Variants in ZNF536 observed in about 807,000 individuals in gnomAD.
ZNF536 encodes the protein zinc finger protein 536.
A neutral mutation model predicts 84.5 loss-of-function variants in ZNF536; 13 were observed. The observed-to-expected ratio is 0.15, with a 90% confidence interval of 0.10 to 0.24. The LOEUF is 0.24. ZNF536 is among the 10% of genes least tolerant of loss of function. ZNF536 has a pLI of 1.00. For synonymous variants in ZNF536, 811 were observed against 742.5 expected (o/e 1.09, Z -1.50); for missense variants, 1,536 against 1,747.5 (o/e 0.88, Z 2.16).
chr19:30,535,429 G>C (rs2045030356), intron 3 of ZNF536, among the ~76,000 whole-genome samples: 1 of 152,306 alleles, frequency 6.6e-6, no homozygotes, highest in African/African-American at 2.4e-5. Context: ...CATCCAGGTA[G>C]AATAGGCTTT....
chr19:30,617,333 CTTTTTTTTTT>C (rs556835599), intron 1 of ZNF536, among the ~76,000 whole-genome samples: 347 of 37,682 alleles, frequency 9.2e-3, no homozygotes, highest in African/African-American at 0.02. Flanking sequence ...GAATAGCTTA[CTTTTTTTTTT>C]TTTTTTTTTT....
intron 2 of ZNF536, among the ~76,000 whole-genome samples, chr19:30,289,037 C>T (rs1052448898): frequency 2.0e-5 from 3 of 152,142 alleles, no homozygotes; most frequent in Non-Finnish European, 4.4e-5. Flanking sequence ...GTTTCCTAAG[C>T]CAACTTCTCC....
intron 2 of ZNF536, among the ~76,000 whole-genome samples, chr19:30,309,174 A>C (rs1330484071): frequency 6.6e-6 from 1 of 152,256 alleles, no homozygotes; most frequent in Admixed American, 6.5e-5. Flanking sequence ...CAAGCGAATG[A>C]AATGACTTAA....
At chr19:30,421,472 C>T (rs921998283) in intron 1 of ZNF536, among the ~76,000 whole-genome samples, 1 of 152,106 alleles carries the variant, frequency 6.6e-6, no homozygotes, top group Non-Finnish European at 1.5e-5. Context: ...ACTGTAGCCT[C>T]CCAGTTCCTG....
intron 1 of ZNF536, among the ~76,000 whole-genome samples, chr19:30,620,633 T>C (rs1600053470): frequency 6.6e-6 from 1 of 152,156 alleles, no homozygotes; most frequent in African/African-American, 2.4e-5. Context: ...CAGTGGTGGC[T>C]CTGGAGACAT....
intron 1 of ZNF536, among the ~76,000 whole-genome samples, chr19:30,406,968 G>A (rs998076976): frequency 1.3e-5 from 2 of 152,192 alleles, no homozygotes; most frequent in African/African-American, 4.8e-5. Flanking sequence ...TTGGACCCTG[G>A]ACTGACTGCA....
rs546252991 is a variant in ZNF536, at chr19:30,502,823, C to T, written c.2171-32024C>T. Among the ~76,000 whole-genome samples the T allele has an allele frequency of 3.4e-3, 523 of 152,190 alleles. 3 individuals carry two copies. The highest frequency in any genetic ancestry group is 6.8e-3 in the Middle Eastern group (2 of 294). On this transcript the variant is annotated intron_variant, in intron 2 of 4. Coordinates refer to ENST00000355537, the MANE Select transcript of ZNF536 (RefSeq NM_014717.3). Reference sequence around the variant, plus strand: ...GGGAAAGAGCTTGGGGACACTGCTGCCCCCTGTCCCATTTAAAGTTGGATT... The same window carrying T: ...GGGAAAGAGCTTGGGGACACTGCTGTCCCCTGTCCCATTTAAAGTTGGATT...
chr19:30,269,442 G>A (rs1033029818), intron 1 of ZNF536, among the ~76,000 whole-genome samples: 7 of 152,148 alleles, frequency 4.6e-5, no homozygotes, highest in African/African-American at 1.7e-4. Context: ...CCTACAATTT[G>A]TGGATGGAGA....
intron 1 of ZNF536, among the ~76,000 whole-genome samples, chr19:30,671,655 C>A (rs1366300239): frequency 6.6e-6 from 1 of 152,150 alleles, no homozygotes; most frequent in Admixed American, 6.5e-5. Context: ...AGGAGGCGGG[C>A]AGTCTGCAGT....
At chr19:30,261,026 C>T (rs575441164) in intron 1 of ZNF536, among the ~76,000 whole-genome samples, 17 of 152,248 alleles carry the variant, frequency 1.1e-4, no homozygotes, top group African/African-American at 3.8e-4. Context: ...CGGCCGGGCG[C>T]GGTGGCTCAC....
At chr19:30,502,243 G>T (rs540246741) in intron 2 of ZNF536, among the ~76,000 whole-genome samples, 1 of 152,298 alleles carries the variant, frequency 6.6e-6, no homozygotes, top group East Asian at 1.9e-4. Flanking sequence ...ATGTTGAATT[G>T]CCTGTCTTGA....
intron 2 of ZNF536, among the ~76,000 whole-genome samples, chr19:30,528,924 CAA>C (rs75657998): frequency 3.0e-4 from 38 of 126,036 alleles, no homozygotes; most frequent in Non-Finnish European, 3.3e-4. Context: ...AATGAGAGGC[CAA>C]AAAAAAAAAA....
At chr19:30,479,468 G>A (rs956923002) in intron 2 of ZNF536, among the ~76,000 whole-genome samples, 1 of 152,246 alleles carries the variant, frequency 6.6e-6, no homozygotes, top group African/African-American at 2.4e-5. Context: ...GTCGTGGAAG[G>A]AGACAGGAAT....
upstream of ZNF536, among the ~76,000 whole-genome samples, chr19:30,227,702 G>T (rs989521928): frequency 5.6e-4 from 85 of 151,806 alleles, no homozygotes; most frequent in Non-Finnish European, 1.0e-3. Flanking sequence ...CGAGCGCGCG[G>T]TACGGCCCTC....
intron 2 of ZNF536, among the ~76,000 whole-genome samples, chr19:30,332,092 CG>C (rs1289005234): frequency 6.6e-6 from 1 of 152,176 alleles, no homozygotes; most frequent in African/African-American, 2.4e-5. Flanking sequence ...TCCATGGCCA[CG>C]GGCATCAAAT....
At chr19:30,410,463 G>GCCTT (rs2050433386) in intron 1 of ZNF536, among the ~76,000 whole-genome samples, 1 of 94,688 alleles carries the variant, frequency 1.1e-5, no homozygotes, top group African/African-American at 6.1e-5. Context: ...AAAAGTGAAG[G>GCCTT]TCTTTTTTTT....
intron 1 of ZNF536, among the ~76,000 whole-genome samples, chr19:30,390,625 G>A (rs2049545916): frequency 1.3e-5 from 2 of 152,214 alleles, no homozygotes; most frequent in East Asian, 3.9e-4. Context: ...AGGTCTGAAG[G>A]TGCTTTTATG....
At chr19:30,621,040 T>A (rs1193348768) in intron 1 of ZNF536, among the ~76,000 whole-genome samples, 1 of 152,154 alleles carries the variant, frequency 6.6e-6, no homozygotes, top group Non-Finnish European at 1.5e-5. Flanking sequence ...ATATTTGTGA[T>A]AAATAGAAAA....
intron 1 of ZNF536, among the ~76,000 whole-genome samples, chr19:30,670,611 T>C (rs1279465027): frequency 6.6e-6 from 1 of 152,186 alleles, no homozygotes; most frequent in East Asian, 1.9e-4. Flanking sequence ...CACTACGAAG[T>C]CCAAAGAGAG....
Sources: allele counts gnomAD v4.1 joint callset (sites outside exome capture counted in the v4.1 genomes callset), GRCh38; gene constraint gnomAD v4.1.1; transcripts MANE v1.5; gene names NCBI Gene and HGNC (gene_info 2026-07-23, HGNC 2026-07-21).